The following PDE4B variants were observed in gnomAD, a reference collection of about 807,000 sequenced individuals.
PDE4B encodes the protein phosphodiesterase 4B.
PDE4B carries 20 observed loss-of-function variants against 82.2 expected under a neutral mutation model. That is an observed-to-expected ratio of 0.24 (90% CI 0.17 to 0.35). The LOEUF (loss-of-function observed/expected upper bound fraction) is 0.35. Ranked by LOEUF, PDE4B falls within the 10% of genes least tolerant of loss-of-function variation. PDE4B has a pLI of 1.00. For missense variants in PDE4B, 655 were observed against 907.2 expected (o/e 0.72, Z 3.57); for synonymous variants, 320 against 318.9 (o/e 1.00, Z -0.04).
intron 3 of PDE4B, among the ~76,000 whole-genome samples, chr1:66,065,699 A>G (rs1276122105): frequency 6.6e-6 from 1 of 151,862 alleles, no homozygotes; most frequent in Non-Finnish European, 1.5e-5. Context: ...AGAAGGAATC[A>G]GAGAAGGGCT....
At chr1:65,998,561 A>T (rs1004630713) in intron 3 of PDE4B, among the ~76,000 whole-genome samples, 1 of 152,200 alleles carries the variant, frequency 6.6e-6, no homozygotes, top group African/African-American at 2.4e-5. Context: ...CATTTGAGAG[A>T]TAATGACTTC....
At chr1:66,244,394 CA>C (rs1250660930) in intron 3 of PDE4B, among the ~76,000 whole-genome samples, 1 of 152,106 alleles carries the variant, frequency 6.6e-6, no homozygotes, top group Non-Finnish European at 1.5e-5. Context: ...CTGATGAAGG[CA>C]GAGGCAAAAA....
At chr1:66,191,415 T>G (rs1337748509) in intron 3 of PDE4B, among the ~76,000 whole-genome samples, 1 of 152,208 alleles carries the variant, frequency 6.6e-6, no homozygotes, top group African/African-American at 2.4e-5. Flanking sequence ...CTCATAACAT[T>G]TAAAAGACTG....
chr1:65,860,005 T>C (rs763745900), intron 1 of PDE4B, among the ~76,000 whole-genome samples: 8 of 152,172 alleles, frequency 5.3e-5, no homozygotes, highest in Non-Finnish European at 8.8e-5. Flanking sequence ...TGAAACACTG[T>C]AGGCATTATG....
At chr1:66,367,632 G>C in intron 13 of PDE4B, 64 bp from the exon 14 acceptor site, 2 of 1,364,714 alleles carry the variant, frequency 1.5e-6, no homozygotes, top group Non-Finnish European at 1.0e-6. Context: ...TTCACTTTGA[G>C]ATAATGCCAA....
At chr1:66,261,748 A>G (rs1473971734) in intron 6 of PDE4B, among the ~76,000 whole-genome samples, 7 of 152,196 alleles carry the variant, frequency 4.6e-5, no homozygotes, top group South Asian at 2.1e-4. Flanking sequence ...TATCCCATTG[A>G]GGGATGCTTG....
At chr1:66,150,517 T>C (rs187875760) in intron 3 of PDE4B, among the ~76,000 whole-genome samples, 25 of 152,334 alleles carry the variant, frequency 1.6e-4, no homozygotes, top group Admixed American at 1.5e-3. Flanking sequence ...CCAACGATAA[T>C]GCCTTTTATT....
At chr1:66,052,073 A>G (rs562563512) in intron 3 of PDE4B, among the ~76,000 whole-genome samples, 3 of 152,094 alleles carry the variant, frequency 2.0e-5, no homozygotes, top group Non-Finnish European at 4.4e-5. Flanking sequence ...CATCCCTTTC[A>G]TGTTGTTGAG....
chr1:66,291,865 G>C (rs544601553), intron 7 of PDE4B, among the ~76,000 whole-genome samples: 1 of 152,202 alleles, frequency 6.6e-6, no homozygotes, highest in South Asian at 2.1e-4. Context: ...TAACTGTGTA[G>C]ATTATTTGTG....
intron 7 of PDE4B, among the ~76,000 whole-genome samples, chr1:66,274,125 C>T (rs1158677788): frequency 2.6e-5 from 4 of 151,822 alleles, no homozygotes; most frequent in Non-Finnish European, 5.9e-5. Context: ...AGAGAAGTTA[C>T]TTCTCTGAGA....
chr1:66,230,683 G>A (rs776353551), intron 3 of PDE4B, among the ~76,000 whole-genome samples: 31 of 152,108 alleles, frequency 2.0e-4, no homozygotes, highest in African/African-American at 2.4e-4. Context: ...AATTTTTGTT[G>A]TAAGAACAAA....
At chr1:66,147,122 C>G (rs772805110) in intron 3 of PDE4B, among the ~76,000 whole-genome samples, 11 of 152,114 alleles carry the variant, frequency 7.2e-5, no homozygotes, top group Non-Finnish European at 1.3e-4. Flanking sequence ...GGAAGAAAAG[C>G]AAAAATAACA....
At chr1:66,283,353 T>TTA (rs111823978) in intron 7 of PDE4B, among the ~76,000 whole-genome samples, 5,947 of 151,576 alleles carry the variant, frequency 0.039, 279 homozygotes, top group East Asian at 0.24. Context: ...ATTGTTACTA[T>TTA]TATATATATA....
intron 3 of PDE4B, among the ~76,000 whole-genome samples, chr1:65,942,457 T>G (rs1648497518): frequency 6.6e-6 from 1 of 152,054 alleles, no homozygotes; most frequent in Admixed American, 6.6e-5. Context: ...GTTGATTCCT[T>G]ATCTTGGCTA....
intron 7 of PDE4B, among the ~76,000 whole-genome samples, chr1:66,324,609 G>A (rs971442510): frequency 2.6e-5 from 4 of 152,034 alleles, no homozygotes; most frequent in Non-Finnish European, 5.9e-5. Flanking sequence ...TAAAGAGATC[G>A]GCATCAAAAT....
intron 7 of PDE4B, among the ~76,000 whole-genome samples, chr1:66,314,482 G>A (rs1012215909): frequency 1.3e-5 from 2 of 151,932 alleles, no homozygotes; most frequent in Non-Finnish European, 2.9e-5. Flanking sequence ...GCGTGATCTC[G>A]GCTCACTGCA....
chr1:66,256,364 C>T (rs1292925633), intron 4 of PDE4B, among the ~76,000 whole-genome samples: 3 of 152,124 alleles, frequency 2.0e-5, no homozygotes, highest in East Asian at 3.8e-4. Flanking sequence ...TTAAGAGTAC[C>T]TGACACACAG....
At chr1:66,127,890 GAGA>G (rs1645856197) in intron 3 of PDE4B, among the ~76,000 whole-genome samples, 3 of 152,040 alleles carry the variant, frequency 2.0e-5, no homozygotes, top group Admixed American at 2.0e-4. Flanking sequence ...CTTTATGGCT[GAGA>G]AGATTATTTT....
intron 8 of PDE4B, among the ~76,000 whole-genome samples, chr1:66,352,434 C>G (rs2101993806): frequency 6.6e-6 from 1 of 152,286 alleles, no homozygotes; most frequent in East Asian, 1.9e-4. Flanking sequence ...CTCCCTGATT[C>G]CATATTGAAA....
Sources: allele counts gnomAD v4.1 joint callset (sites outside exome capture counted in the v4.1 genomes callset), GRCh38; gene constraint gnomAD v4.1.1; transcripts MANE v1.5; gene names NCBI Gene and HGNC (gene_info 2026-07-23, HGNC 2026-07-21).